The following INPP5B variants were observed in gnomAD, a reference collection of about 807,000 sequenced individuals.
The protein encoded by INPP5B is inositol polyphosphate-5-phosphatase B.
In INPP5B, 90 loss-of-function variants were observed where a neutral mutation model predicts 118.5. The ratio of observed to expected loss-of-function variants is 0.76; its 90% confidence interval spans 0.64 to 0.90. The LOEUF is 0.90. Ranked by LOEUF, INPP5B falls within the 40% of genes least tolerant of loss-of-function variation. INPP5B has a pLI of 0.00. For synonymous variants in INPP5B, 385 were observed against 418.9 expected, an observed-to-expected ratio of 0.92 and a Z score of 0.99; for missense variants, 984 against 1,125.6, an observed-to-expected ratio of 0.87 and a Z score of 1.80.
chr1:37,897,089 G>A (rs191808171), intron 7 of INPP5B, among the ~76,000 whole-genome samples: 10,413 of 143,040 alleles, frequency 0.073, 480 homozygotes, highest in Non-Finnish European at 0.1. Context: ...CCGGCCAGCC[G>A]CCCCGTCCAG....
intron 7 of INPP5B, among the ~76,000 whole-genome samples, chr1:37,924,631 G>A (rs1467713163): frequency 6.6e-6 from 1 of 151,968 alleles, no homozygotes; most frequent in Non-Finnish European, 1.5e-5. Context: ...AAGAGGTCAA[G>A]CGCGGTGGCT....
intron 20 of INPP5B, among the ~76,000 whole-genome samples, chr1:37,867,601 A>C (rs1642124676): frequency 6.6e-6 from 1 of 152,244 alleles, no homozygotes; most frequent in Non-Finnish European, 1.5e-5. Context: ...AACTTTCAAT[A>C]AATGTGAGGG....
intron 6 of INPP5B, among the ~76,000 whole-genome samples, chr1:37,934,656 A>C (rs984857988): frequency 6.6e-6 from 1 of 152,078 alleles, no homozygotes; most frequent in African/African-American, 2.4e-5. Flanking sequence ...TCCCTGAGGA[A>C]ATCCCCATCA....
intron 14 of INPP5B, among the ~76,000 whole-genome samples, chr1:37,881,839 C>A (rs530792209): frequency 1.3e-5 from 2 of 152,286 alleles, no homozygotes; most frequent in Non-Finnish European, 2.9e-5. Context: ...GTGGCTCATG[C>A]CTGTAATCCC....
At chr1:37,882,980 G>C (rs1643298042) in intron 13 of INPP5B, 62 bp from the exon 14 acceptor site, 4 of 1,586,342 alleles carry the variant, frequency 2.5e-6, no homozygotes, top group East Asian at 4.6e-5. Flanking sequence ...ATCTACCCAG[G>C]GTGCTTCTGA....
Position 37,943,642 on chromosome 1 carries a change from A to G in INPP5B, c.278T>C (p.Leu93Pro). The change falls in exon 5 of 24, where the codon CTT becomes CCT. Residue 93 changes from leucine to proline, a missense_variant and splice_region_variant. Physicochemically the swap from Leu to Pro is moderately conservative, Grantham distance 98. Around this residue, in one of 2 missense-constraint regions of INPP5B, gnomAD observed 350 missense variants for 334.6 expected, o/e 1.05. Transcript: ENST00000373024. ...EVSPDGELYILGSDVTVQLDT... is the reference protein window; with the variant it reads ...EVSPDGELYIPGSDVTVQLDT... Reference sequence around the variant, plus strand: ...CCCAGACCAAGAGGACCACTCACCAAGGATGTAGAGTTCACCATCTGGGGA... The same window carrying G: ...CCCAGACCAAGAGGACCACTCACCAGGGATGTAGAGTTCACCATCTGGGGA... The G allele has an allele frequency of 6.2e-7, 1 of 1,614,002 alleles. No individual in the cohort carries two copies.
chr1:37,908,063 G>A (rs565228248), intron 7 of INPP5B, among the ~76,000 whole-genome samples: 2 of 151,608 alleles, frequency 1.3e-5, no homozygotes, highest in East Asian at 3.9e-4. Context: ...TATCCCAAAC[G>A]TATAAAAACT....
intron 3 of INPP5B, among the ~76,000 whole-genome samples, chr1:37,944,631 G>C (rs1180134981): frequency 1.3e-5 from 2 of 148,874 alleles, no homozygotes; most frequent in Non-Finnish European, 3.0e-5. Flanking sequence ...GTCTTGCTGT[G>C]TTGCCCAGGC....
chr1:37,929,681 A>T (rs1006707319), intron 7 of INPP5B: 2 of 152,102 alleles, frequency 1.3e-5, no homozygotes, highest in African/African-American at 4.8e-5. Flanking sequence ...TTTTAGCAGG[A>T]GCAACTTAGC....
rs1402747394 is a variant in INPP5B, at chr1:37,896,767, G to A, written c.533-5313C>T. ...GCCCGGCCAGCCGCCCCGTCCCGGAGGGAGGGAGGTGGGGGGGTCAGCCCC... is the reference window on the plus strand; with the variant it reads ...GCCCGGCCAGCCGCCCCGTCCCGGAAGGAGGGAGGTGGGGGGGTCAGCCCC... On this transcript the variant is annotated intron_variant, in intron 7 of 23. Transcript: ENST00000373024. Among the ~76,000 whole-genome samples the A allele has an allele frequency of 1.5e-5, 2 of 137,268 alleles. 1 individual carries two copies. Among genetic ancestry groups the A allele is most frequent in the Non-Finnish European group, 3.2e-5 (2 of 61,872 alleles). The allele number at this position is 137,268 out of a possible 152,430, so 90.1% of individuals were successfully genotyped here. A position where few individuals can be genotyped will look rare whatever the true frequency, so the allele number is the denominator to read the frequency against.
At chr1:37,910,036 CCCAGCAG>C (rs1644637616) in intron 7 of INPP5B, among the ~76,000 whole-genome samples, 1 of 152,186 alleles carries the variant, frequency 6.6e-6, no homozygotes, top group Non-Finnish European at 1.5e-5. Flanking sequence ...GTCCAACTCA[CCCAGCAG>C]CCACTCCCAG....
chr1:37,886,236 T>C (rs1643529000), intron 12 of INPP5B, among the ~76,000 whole-genome samples: 1 of 151,498 alleles, frequency 6.6e-6, no homozygotes, highest in South Asian at 2.1e-4. Context: ...TCTTAATCTT[T>C]ATAATAATCC....
intron 7 of INPP5B, among the ~76,000 whole-genome samples, chr1:37,918,657 CTCCA>C (rs1423193456): frequency 1.1e-4 from 16 of 152,352 alleles, no homozygotes; most frequent in African/African-American, 3.8e-4. Context: ...ATGTTACTGA[CTCCA>C]TCCATCACCT....
At position 37,866,470 on chromosome 1, in the gene INPP5B, A is replaced by G. The variant is rs1239002824; in HGVS notation, c.2375T>C (p.Ile792Thr). The G allele has an allele frequency of 1.3e-6, 2 of 1,586,014 alleles. No homozygotes were observed. Among genetic ancestry groups the G allele is most frequent in the Non-Finnish European group, 1.7e-6 (2 of 1,155,416 alleles). Reference sequence around the variant, plus strand: ...TGTCTGAAGGATACAGAGGTTATCAATCATTCCAGTATCCAAGCAGTCCCT... The same window carrying G: ...TGTCTGAAGGATACAGAGGTTATCAGTCATTCCAGTATCCAAGCAGTCCCT... ...HIRDCLDTGMIDNLSASNHSV... is the reference protein window; with the variant it reads ...HIRDCLDTGMTDNLSASNHSV... Residue 792 changes from isoleucine to threonine, a missense_variant, in exon 21 of 24, where the codon ATT becomes ACT. By Grantham distance (89) the Ile-to-Thr change is moderately conservative (BLOSUM62 -1). This residue lies in a region of INPP5B where 634 missense variants were observed against 791.0 expected (regional missense o/e 0.80). Transcript: ENST00000373024.
At position 37,931,925 on chromosome 1, in the gene INPP5B, T is replaced by C; in HGVS notation, c.520A>G (p.Thr174Ala). 1 of 1,613,992 alleles carries C rather than the reference T, an allele frequency of 6.2e-7. No individual in the cohort carries two copies. Among genetic ancestry groups the C allele is most frequent in the Non-Finnish European group, 8.5e-7 (1 of 1,180,026 alleles). Residue 174 changes from threonine (T) to alanine (A), a missense_variant, in exon 7 of 24, where the codon ACA becomes GCA. Coordinates refer to ENST00000373024, the MANE Select transcript of INPP5B (RefSeq NM_005540.3). ...SALVTWPGYATIGGGGSNFDG... is the reference protein window; with the variant it reads ...SALVTWPGYAAIGGGGSNFDG... ...GACGGATACCTGCCTCCGCCAATTG[T>C]CGCGTACCCTGGCCAGGTAACTAGG...
At chr1:37,863,706 CAT>C (rs1251477390) in intron 23 of INPP5B, among the ~76,000 whole-genome samples, 36 of 151,718 alleles carry the variant, frequency 2.4e-4, no homozygotes, top group Admixed American at 3.3e-4. Context: ...CACACACACA[CAT>C]GCACACACAA....
intron 13 of INPP5B, chr1:37,883,260 A>T: frequency 1.0e-6 from 1 of 985,432 alleles, no homozygotes; most frequent in Non-Finnish European, 1.2e-6. Flanking sequence ...AGTCACGCCA[A>T]TCACCCAGAG....
chr1:37,896,983 G>T (rs1486918617), intron 7 of INPP5B, among the ~76,000 whole-genome samples: 1 of 114,900 alleles, frequency 8.7e-6, no homozygotes, highest in Non-Finnish European at 2.0e-5. Flanking sequence ...GAGGGAGGTG[G>T]GGGGGTCAGC....
chr1:37,896,772 G>T (rs1461285795), intron 7 of INPP5B, among the ~76,000 whole-genome samples: 3 of 142,664 alleles, frequency 2.1e-5, no homozygotes, highest in African/African-American at 7.7e-5. Context: ...CCGGAGGGAG[G>T]GAGGTGGGGG....
Sources: gnomAD v4.1 joint callset for allele counts (sites outside exome capture counted in the v4.1 genomes callset) on GRCh38, gnomAD v4.1.1 for gene constraint, gnomAD v4.1.1 regional missense constraint, MANE v1.5 for transcripts, NCBI Gene and HGNC (gene_info 2026-07-23, HGNC 2026-07-21) for gene names.